KIAA1958: variants seen among roughly 807,000 people sequenced by gnomAD.
The protein encoded by KIAA1958 is uncharacterized protein KIAA1958.
In KIAA1958, 14 loss-of-function variants were observed where a neutral mutation model predicts 47.2. The ratio of observed to expected loss-of-function variants is 0.30; its 90% CI spans 0.20 to 0.46. The LOEUF (loss-of-function observed/expected upper bound fraction) is 0.46. KIAA1958 is among the 20% of genes least tolerant of loss of function. KIAA1958 has a pLI of 1.00. For synonymous variants in KIAA1958, 354 were observed against 353.3 expected, an observed-to-expected ratio of 1.00 and a Z score of -0.02; for missense variants, 803 against 909.2, an observed-to-expected ratio of 0.88 and a Z score of 1.50.
intron 2 of KIAA1958, among the ~76,000 whole-genome samples, chr9:112,615,185 G>T (rs1836389697): frequency 6.6e-6 from 1 of 152,084 alleles, no homozygotes; most frequent in African/African-American, 2.4e-5. Flanking sequence ...ACTTTGGGAG[G>T]CAAGACGGGC....
chr9:112,558,606 A>G (rs1263238391), intron 1 of KIAA1958, among the ~76,000 whole-genome samples: 2 of 152,216 alleles, frequency 1.3e-5, no homozygotes, highest in East Asian at 1.9e-4. Context: ...TGTTAAGCCT[A>G]TTTCAGAGTT....
intron 2 of KIAA1958, among the ~76,000 whole-genome samples, chr9:112,583,706 G>T (rs923589162): frequency 6.6e-6 from 1 of 152,106 alleles, no homozygotes. Flanking sequence ...ATATATTAGA[G>T]TAATACCATA....
rs372775191 is a variant in KIAA1958 at position 112,546,482 on chromosome 9, G to A, written c.-24-27575G>A. On this transcript the variant is annotated intron_variant, in intron 1 of 3. Coordinates refer to ENST00000337530, the MANE Select transcript of KIAA1958 (RefSeq NM_133465.4). ...GCAGCTGCCACTCTTTTATTCCTTT[G>A]CCTTTTTTTTTTGAGACAGAGTCTC... 7.9e-5 allele frequency among the ~76,000 whole-genome samples: 12 copies of A among 151,684 alleles called. 1 individual carries two copies. The East Asian group carries it at 2.3e-3, about 30-fold the overall frequency.
Position 112,574,897 on chromosome 9 carries a change from C to T in KIAA1958, c.817C>T (p.Pro273Ser), listed in dbSNP as rs752696032. Residue 273 changes from proline to serine, a missense_variant, in exon 2 of 4, where the codon CCC becomes TCC. Physicochemically the swap from Pro to Ser is moderately conservative, Grantham distance 74. This residue lies in a region of KIAA1958 where 761 missense variants were observed against 829.3 expected (regional missense o/e 0.92). Transcript: ENST00000337530. ...ELDPHGMSAS[P>S]SVISRPIVQK... is the part of the protein sequence containing the mutation. ...AGACCCACACGGTATGTCTGCATCCCCCTCTGTGATCTCCAGACCAATTGT... is the reference window on the plus strand; with the variant it reads ...AGACCCACACGGTATGTCTGCATCCTCCTCTGTGATCTCCAGACCAATTGT... 1 of 1,614,050 alleles carries T rather than the reference C, an allele frequency of 6.2e-7. No individual in the cohort carries two copies. Among genetic ancestry groups the T allele is most frequent in the African/African-American group, 1.3e-5 (1 of 75,006 alleles).
At chr9:112,554,709 A>C (rs1184045600) in intron 1 of KIAA1958, among the ~76,000 whole-genome samples, 1 of 152,188 alleles carries the variant, frequency 6.6e-6, no homozygotes, top group Non-Finnish European at 1.5e-5. Flanking sequence ...GGTTTAGCTA[A>C]GAAACAGGTC....
Position 112,659,693 on chromosome 9 carries a change from A to C in KIAA1958, c.1775A>C (p.Gln592Pro), listed in dbSNP as rs755767577. The C allele has an allele frequency of 1.9e-6, 3 of 1,614,184 alleles. No homozygotes were observed. In the South Asian group the frequency reaches 3.3e-5, roughly 18 times the overall value. The change falls in exon 4 of 4, where the codon CAG (glutamine) becomes CCG (proline). Residue 592 changes from glutamine to proline, a missense_variant. Gln to Pro is a moderately conservative substitution (Grantham distance 76). This residue lies in a region of KIAA1958 where 761 missense variants were observed against 829.3 expected (regional missense o/e 0.92). Coordinates refer to ENST00000337530, the MANE Select transcript of KIAA1958 (RefSeq NM_133465.4). The stretch of plus-strand genomic sequence containing the variant: ...GAGCTGCTCAAAGACCCCCAAAACC[A>C]GCCCTACTTTGCCCGGACGGACAGC... ...DIELLKDPQN[Q>P]PYFARTDSVK... is the part of the protein sequence containing the mutation.
chr9:112,655,419 A>G (rs1039207136), intron 3 of KIAA1958, among the ~76,000 whole-genome samples: 1 of 152,168 alleles, frequency 6.6e-6, no homozygotes, highest in Admixed American at 6.5e-5. Flanking sequence ...ACTCCTCTAT[A>G]AAACAAAAAA....
At chr9:112,621,244 A>G (rs954994611) in intron 2 of KIAA1958, among the ~76,000 whole-genome samples, 1 of 152,304 alleles carries the variant, frequency 6.6e-6, no homozygotes, top group East Asian at 1.9e-4. Context: ...GGAGCCACAG[A>G]GCCTCTTTCT....
chr9:112,506,398 G>A (rs1230802628), intron 1 of KIAA1958, among the ~76,000 whole-genome samples: 1 of 152,194 alleles, frequency 6.6e-6, no homozygotes, highest in Non-Finnish European at 1.5e-5. Flanking sequence ...AGAGCTTGCA[G>A]TGAGCCGAGA....
chr9:112,592,648 G>T (rs1261195013), intron 2 of KIAA1958, among the ~76,000 whole-genome samples: 1 of 152,190 alleles, frequency 6.6e-6, no homozygotes, highest in East Asian at 1.9e-4. Context: ...TAGCAATGCA[G>T]GATGGGAATT....
chr9:112,505,704 A>AGAGAAATG (rs1834222748), intron 1 of KIAA1958, among the ~76,000 whole-genome samples: 1 of 152,236 alleles, frequency 6.6e-6, no homozygotes, highest in African/African-American at 2.4e-5. Context: ...GTTTACTTTC[A>AGAGAAATG]TTTCATTCAG....
chr9:112,573,718 TG>T (rs943713782), intron 1 of KIAA1958, among the ~76,000 whole-genome samples: 14 of 152,342 alleles, frequency 9.2e-5, no homozygotes, highest in African/African-American at 2.9e-4. Flanking sequence ...TCAGTGACTT[TG>T]GAAGTAAAAT....
intron 2 of KIAA1958, among the ~76,000 whole-genome samples, chr9:112,622,613 T>C (rs186705207): frequency 6.6e-6 from 1 of 152,336 alleles, no homozygotes; most frequent in East Asian, 1.9e-4. Flanking sequence ...ATCAGCAATT[T>C]AGGATATTTA....
At chr9:112,619,199 A>G (rs1836457233) in intron 2 of KIAA1958, 1 of 167,874 alleles carries the variant, frequency 6.0e-6, no homozygotes, top group Admixed American at 6.5e-5. Context: ...CACAAAGTAG[A>G]GAGGGAATTC....
rs558725067 is a variant in KIAA1958, at chr9:112,516,814, C to T, written c.-25+29696C>T. On this transcript the variant is annotated intron_variant, in intron 1 of 3. Coordinates refer to ENST00000337530, the MANE Select transcript of KIAA1958 (RefSeq NM_133465.4). ...ATTTAATTGATTAAAGAATGATTTA[C>T]CAATTGGGCAGTACCTCTGAACCAG... Among the ~76,000 whole-genome samples, 23 of 152,260 alleles carry T rather than the reference C, an allele frequency of 1.5e-4. 1 individual carries two copies. The highest frequency in any genetic ancestry group is 4.6e-4 in the African/African-American group (19 of 41,544).
intron 2 of KIAA1958, among the ~76,000 whole-genome samples, chr9:112,633,726 C>T (rs1836750529): frequency 6.6e-6 from 1 of 152,064 alleles, no homozygotes; most frequent in Non-Finnish European, 1.5e-5. Context: ...TATACTCTTC[C>T]GTGTCTGGCT....
At chr9:112,636,886 A>G (rs1478435951) in intron 2 of KIAA1958, among the ~76,000 whole-genome samples, 1 of 152,138 alleles carries the variant, frequency 6.6e-6, no homozygotes, top group Non-Finnish European at 1.5e-5. Flanking sequence ...GTTTAGATCT[A>G]TCATCTTACA....
intron 2 of KIAA1958, among the ~76,000 whole-genome samples, chr9:112,587,153 A>G (rs533921168): frequency 1.3e-5 from 2 of 152,168 alleles, no homozygotes; most frequent in South Asian, 4.1e-4. Flanking sequence ...TTTTTATTTT[A>G]TTAATATTCT....
chr9:112,487,165 G>C, intron 1 of KIAA1958, 47 bp downstream of exon 1: 1 of 193,898 alleles, frequency 5.2e-6, no homozygotes, highest in South Asian at 6.5e-5. Context: ...CGCCGACGCC[G>C]CGACCCAGGC....
Sources: gnomAD v4.1 joint callset for allele counts (sites outside exome capture counted in the v4.1 genomes callset) on GRCh38, gnomAD v4.1.1 for gene constraint, gnomAD v4.1.1 regional missense constraint, MANE v1.5 for transcripts, NCBI Gene and HGNC (gene_info 2026-07-23, HGNC 2026-07-21) for gene names.